Variants in STK39 observed in about 807,000 individuals in gnomAD.
STK39 encodes the protein STE20/SPS1-related proline-alanine-rich protein kinase.
In STK39, 20 loss-of-function variants were observed where a neutral mutation model predicts 77.8. The observed-to-expected ratio is 0.26, with a 90% confidence interval of 0.18 to 0.37. STK39 has a LOEUF of 0.37. Ranked by LOEUF, STK39 falls within the 10% of genes least tolerant of loss-of-function variation. STK39 has a pLI of 1.00. For missense variants in STK39, 479 were observed against 656.5 expected, an observed-to-expected ratio of 0.73 and a Z score of 2.95; for synonymous variants, 246 against 234.1, an observed-to-expected ratio of 1.05 and a Z score of -0.47.
At chr2:168,126,740 C>G (rs1016476288) in intron 10 of STK39, among the ~76,000 whole-genome samples, 4 of 152,054 alleles carry the variant, frequency 2.6e-5, no homozygotes, top group Non-Finnish European at 4.4e-5. Flanking sequence ...CGATGCTGTC[C>G]CGGGCAGAGT....
chr2:168,139,408 T>TTATACATATATATATATATATA (rs1553532930), intron 7 of STK39, among the ~76,000 whole-genome samples: 10 of 144,528 alleles, frequency 6.9e-5, no homozygotes, highest in African/African-American at 2.6e-4. Flanking sequence ...TAAAAAAAAT[T>TTATACATATATATATATATATA]TATATATATA....
intron 1 of STK39, among the ~76,000 whole-genome samples, chr2:168,235,318 G>C (rs993498117): frequency 1.8e-4 from 27 of 151,976 alleles, no homozygotes; most frequent in African/African-American, 6.3e-4. Flanking sequence ...GACTACAGGC[G>C]TCCCTGAGCC....
chr2:168,070,352 A>T (rs1685906879), intron 12 of STK39, among the ~76,000 whole-genome samples: 1 of 152,302 alleles, frequency 6.6e-6, no homozygotes, highest in East Asian at 1.9e-4. Flanking sequence ...TCAACCAAGT[A>T]GAATATGATG....
chr2:168,072,470 GTTTC>G (rs750657703), intron 12 of STK39, among the ~76,000 whole-genome samples: 1 of 152,024 alleles, frequency 6.6e-6, no homozygotes, highest in Non-Finnish European at 1.5e-5. Flanking sequence ...ATCCCATTCT[GTTTC>G]TTTCTATCAC....
At position 168,140,760 on chromosome 2, in the gene STK39, T is replaced by A. The variant is rs1467284009; in HGVS notation, c.629-2A>T. On this transcript the variant is annotated splice_acceptor_variant, in intron 5 of 17. Transcript: ENST00000355999. LOFTEE classifies it high-confidence loss of function. The stretch of plus-strand genomic sequence containing the variant: ...CTAGGAACGCACTTACCCCAAAATC[T>A]GAAAGGGAAAAAAAAATCACCTTTA... 6.4e-7 allele frequency: 1 copy of A among 1,572,074 alleles called. No homozygotes were observed. The highest frequency in any genetic ancestry group is 1.4e-5 in the African/African-American group (1 of 72,488).
At chr2:168,154,234 G>A (rs527661637) in intron 5 of STK39, among the ~76,000 whole-genome samples, 5 of 152,346 alleles carry the variant, frequency 3.3e-5, no homozygotes, top group Non-Finnish European at 5.9e-5. Context: ...GAAAGACTGT[G>A]AGAAGCACAG....
intron 1 of STK39, among the ~76,000 whole-genome samples, chr2:168,197,801 T>A (rs1036049943): frequency 6.6e-6 from 1 of 152,268 alleles, no homozygotes; most frequent in African/African-American, 2.4e-5. Context: ...TTTGGGAGGC[T>A]GAGGTGGCCG....
chr2:168,068,780 G>A (rs1463840613), intron 12 of STK39, among the ~76,000 whole-genome samples: 2 of 152,146 alleles, frequency 1.3e-5, no homozygotes, highest in African/African-American at 4.8e-5. Context: ...AAAATATCAG[G>A]TTAAAGCAGT....
At chr2:168,063,365 A>G (rs1685710172) in intron 14 of STK39, 135 bp downstream of exon 14, 2 of 747,258 alleles carry the variant, frequency 2.7e-6, no homozygotes, top group Admixed American at 5.8e-5. Context: ...GGAATACAGC[A>G]TACACTCATG....
intron 10 of STK39, among the ~76,000 whole-genome samples, chr2:168,083,264 C>T (rs1380175048): frequency 3.4e-5 from 5 of 146,890 alleles, no homozygotes; most frequent in Non-Finnish European, 6.0e-5. Context: ...AAGCTTTTGT[C>T]GATCCAATTG....
At chr2:168,158,858 C>T (rs1688500620) in intron 5 of STK39, among the ~76,000 whole-genome samples, 2 of 152,122 alleles carry the variant, frequency 1.3e-5, no homozygotes, top group East Asian at 1.9e-4. Flanking sequence ...GATTTTATAC[C>T]CACGTTCAAT....
chr2:168,112,710 G>A lies in STK39; in HGVS notation c.1089+16831C>T, dbSNP rs572644771. On this transcript the variant is annotated intron_variant, in intron 10 of 17. Coordinates refer to ENST00000355999, the MANE Select transcript of STK39 (RefSeq NM_013233.3). The stretch of plus-strand genomic sequence containing the variant: ...AGTAAGATTTTTTTAATGGTTCACA[G>A]AATTTTAATACCAGCGGTTTGGACC... 9.9e-5 allele frequency among the ~76,000 whole-genome samples: 15 copies of A among 152,256 alleles called. No homozygotes were observed. The South Asian group carries it at 3.1e-3, about 32-fold the overall frequency.
chr2:168,219,369 G>C (rs1172765657), intron 1 of STK39, among the ~76,000 whole-genome samples: 1 of 152,018 alleles, frequency 6.6e-6, no homozygotes. Flanking sequence ...TTGCTCAAAA[G>C]CCTAGCAGAA....
chr2:168,118,121 A>G (rs1687305434), intron 10 of STK39, among the ~76,000 whole-genome samples: 1 of 152,056 alleles, frequency 6.6e-6, no homozygotes, highest in Non-Finnish European at 1.5e-5. Context: ...GGTTACCAGG[A>G]TGCTCGGGGA....
rs562774311 is a variant in STK39 at position 168,211,772 on chromosome 2, T to C, written c.209-29682A>G. Among the ~76,000 whole-genome samples the C allele has an allele frequency of 2.4e-4, 36 of 152,342 alleles. No homozygotes were observed. The South Asian group carries it at 7.2e-3, about 31-fold the overall frequency. On this transcript the variant is annotated intron_variant, in intron 1 of 17. Transcript: ENST00000355999. ...GGAAAATAATCTGTCAGTGTAGCTG[T>C]GTGCAAACACCTCCTCTTTCTGCAC...
At chr2:168,177,844 A>T (rs945731810) in intron 2 of STK39, among the ~76,000 whole-genome samples, 1 of 152,110 alleles carries the variant, frequency 6.6e-6, no homozygotes, top group African/African-American at 2.4e-5. Flanking sequence ...GAAAGCAGGA[A>T]CTCCCTCAAG....
intron 14 of STK39, among the ~76,000 whole-genome samples, chr2:168,054,686 C>G (rs867343717): frequency 0.013 from 1,959 of 152,148 alleles, 41 homozygotes; most frequent in African/African-American, 0.044. Context: ...TAAGTTAAGA[C>G]GGTAAACCCC....
chr2:168,076,893 G>A (rs1422363270), intron 10 of STK39, among the ~76,000 whole-genome samples: 1 of 152,136 alleles, frequency 6.6e-6, no homozygotes, highest in Non-Finnish European at 1.5e-5. Context: ...TAGAAAAAAT[G>A]CCAAAATGCA....
At chr2:168,186,945 T>C (rs9630971) in intron 1 of STK39, among the ~76,000 whole-genome samples, 66,616 of 152,132 alleles carry the variant, frequency 0.44, 16,795 homozygotes, top group East Asian at 0.77. Flanking sequence ...TGATACAGCA[T>C]GATGAGCATA....
Sources: allele counts gnomAD v4.1 joint callset (sites outside exome capture counted in the v4.1 genomes callset), GRCh38; gene constraint gnomAD v4.1.1; transcripts MANE v1.5; gene names NCBI Gene and HGNC (gene_info 2026-07-23, HGNC 2026-07-21).